Variants in RHOBTB3 observed in about 807,000 individuals in gnomAD.
RHOBTB3 encodes the protein rho-related BTB domain-containing protein 3.
A neutral mutation model predicts 67.2 loss-of-function variants in RHOBTB3; 47 were observed. The ratio of observed to expected loss-of-function variants is 0.70; its 90% confidence interval spans 0.55 to 0.89. RHOBTB3 has a LOEUF of 0.89. Ranked by LOEUF, RHOBTB3 falls within the 40% of genes least tolerant of loss-of-function variation. The probability of loss-of-function intolerance (pLI) is 0.00; values close to 1 mark genes in which losing one functional copy is unlikely to be tolerated. For synonymous variants in RHOBTB3, 273 were observed against 274.2 expected (o/e 1.00, Z 0.04); for missense variants, 631 against 750.0 (o/e 0.84, Z 1.85).
At chr5:95,773,541 T>C (rs1745781223) in intron 8 of RHOBTB3, among the ~76,000 whole-genome samples, 1 of 152,224 alleles carries the variant, frequency 6.6e-6, no homozygotes, top group Admixed American at 6.5e-5. Flanking sequence ...CCAGTGTGTC[T>C]GTGGGCAAGT....
intron 6 of RHOBTB3, among the ~76,000 whole-genome samples, chr5:95,759,373 T>C (rs1246253648): frequency 2.0e-5 from 3 of 152,272 alleles, no homozygotes; most frequent in Non-Finnish European, 2.9e-5. Context: ...TCTTTAATTA[T>C]TTACAGATTA....
chr5:95,779,480 C>T (rs1211398860), intron 8 of RHOBTB3, among the ~76,000 whole-genome samples: 1 of 152,146 alleles, frequency 6.6e-6, no homozygotes, highest in African/African-American at 2.4e-5. Context: ...CCCTATCCAG[C>T]GCTGCCTTTG....
chr5:95,791,815 G>C (rs1293663352), intron 11 of RHOBTB3, among the ~76,000 whole-genome samples: 1 of 152,008 alleles, frequency 6.6e-6, no homozygotes, highest in African/African-American at 2.4e-5. Context: ...CAAAGTGGTG[G>C]GATTACAGAC....
In RHOBTB3 at chr5:95,774,433, C is replaced by A. The variant is rs1251853170; in HGVS notation, c.1283-5819C>A. Among the ~76,000 whole-genome samples the A allele has an allele frequency of 5.3e-5, 8 of 152,114 alleles. 1 individual carries two copies. Among genetic ancestry groups the A allele is most frequent in the Non-Finnish European group, 1.2e-4 (8 of 68,002 alleles). On this transcript the variant is annotated intron_variant, in intron 8 of 11. Transcript: ENST00000379982. ...TAAGCACTTTACACTGGATTAGAAT[C>A]CCCTTGTTAACATTTTTAATGTCAT...
chr5:95,745,391 A>C, intron 3 of RHOBTB3, among the ~76,000 whole-genome samples: 1 of 152,260 alleles, frequency 6.6e-6, no homozygotes, highest in East Asian at 1.9e-4. Flanking sequence ...TATTGAATCT[A>C]TCTTGAAAAG....
chr5:95,757,354 T>C (rs965518312), intron 6 of RHOBTB3, among the ~76,000 whole-genome samples: 2 of 152,246 alleles, frequency 1.3e-5, no homozygotes, highest in African/African-American at 4.8e-5. Flanking sequence ...TCTTTAATTT[T>C]CTTTACCCAC....
chr5:95,735,607 C>T (rs1308360656), intron 2 of RHOBTB3, among the ~76,000 whole-genome samples: 1 of 152,188 alleles, frequency 6.6e-6, no homozygotes, highest in Non-Finnish European at 1.5e-5. Context: ...ACCTGTTAGT[C>T]AGACCTAGCT....
chr5:95,755,522 A>T lies in RHOBTB3; in HGVS notation c.809A>T (p.His270Leu), dbSNP rs1486529098. ...AATTTAAAGAAAGTTGTAGAGGCCC[A>T]CAAGATCGTTCTCTGCGCTGTAAGC... ...NPNLKKVVEA[H>L]KIVLCAVSHV... is the part of the protein sequence containing the mutation. The change falls in exon 6 of 12, where the codon CAC (histidine) becomes CTC (leucine). Residue 270 changes from histidine (H) to leucine (L), a missense_variant. By Grantham distance (99) the His-to-Leu change is moderately conservative. Transcript: ENST00000379982. The T allele has an allele frequency of 1.9e-6, 3 of 1,614,202 alleles. No homozygotes were observed. The highest frequency in any genetic ancestry group is 1.7e-6 in the Non-Finnish European group (2 of 1,180,030).
At chr5:95,767,844 AG>A in intron 7 of RHOBTB3, 1 of 708,482 alleles carries the variant, frequency 1.4e-6, no homozygotes, top group Non-Finnish European at 2.6e-6. Flanking sequence ...TGAATGCCAA[AG>A]AGAGCAGTGT....
intron 3 of RHOBTB3, among the ~76,000 whole-genome samples, chr5:95,744,555 G>A (rs1329219982): frequency 1.3e-5 from 2 of 152,014 alleles, no homozygotes; most frequent in African/African-American, 4.8e-5. Flanking sequence ...GATGATCTGA[G>A]TAAGTGAAAA....
At chr5:95,719,513 A>AG in intron 1 of RHOBTB3, 1 of 152,360 alleles carries the variant, frequency 6.6e-6, no homozygotes, top group South Asian at 2.1e-4. Flanking sequence ...AATTCATTTT[A>AG]GTAATACCCT....
At chr5:95,730,925 G>C (rs371388827), upstream of RHOBTB3, 512 of 458,452 alleles carry the variant, frequency 1.1e-3, 5 homozygotes, top group South Asian at 6.0e-3. Context: ...AGGCCAAGAG[G>C]GGGGGAAATC....
chr5:95,731,784 G>A, intron 1 of RHOBTB3, 75 bp from the exon 2 acceptor site: 2 of 1,602,740 alleles, frequency 1.2e-6, no homozygotes, highest in Non-Finnish European at 1.7e-6. Context: ...GCTGTCCCCC[G>A]CACTTCCTGT....
chr5:95,738,646 G>T (rs1755515907), intron 3 of RHOBTB3, among the ~76,000 whole-genome samples: 1 of 151,812 alleles, frequency 6.6e-6, no homozygotes, highest in Non-Finnish European at 1.5e-5. Context: ...CAGCAGGAAG[G>T]TCTCACCAGA....
Position 95,755,611 on chromosome 5 carries a change from C to T in RHOBTB3, c.898C>T (p.Arg300Ter), listed in dbSNP as rs746600859. ...PTDIQDSSIIRTTQDLFAINR... is the reference protein window; with the variant it reads ...PTDIQDSSII The stretch of plus-strand genomic sequence containing the variant: ...TGACATTCAGGATTCCAGTATCATC[C>T]GAACTACCCAGGATCTTTTTGCTAT... The change falls in exon 6 of 12, where the codon CGA becomes TGA. Residue 300 changes from arginine to a stop codon, truncating the protein, a stop_gained. Coordinates refer to ENST00000379982, the MANE Select transcript of RHOBTB3 (RefSeq NM_014899.4). LOFTEE classifies it high-confidence loss of function. 5.6e-6 allele frequency: 9 copies of T among 1,614,060 alleles called. No individual in the cohort carries two copies. The highest frequency in any genetic ancestry group is 3.3e-5 in the South Asian group (3 of 91,058).
chr5:95,719,616 T>C (rs1392910721), intron 1 of RHOBTB3: 1 of 152,216 alleles, frequency 6.6e-6, no homozygotes, highest in Non-Finnish European at 1.5e-5. Context: ...AAAAAACATA[T>C]ATACATTACA....
intron 11 of RHOBTB3, among the ~76,000 whole-genome samples, chr5:95,791,831 C>T (rs544267003): frequency 6.6e-6 from 1 of 152,176 alleles, no homozygotes; most frequent in East Asian, 1.9e-4. Context: ...CAGACATGAG[C>T]CATCGTGCCT....
chr5:95,788,593 G>A (rs915679711), intron 10 of RHOBTB3, among the ~76,000 whole-genome samples, 169 bp from the exon 11 acceptor site: 5 of 152,180 alleles, frequency 3.3e-5, no homozygotes, highest in East Asian at 1.9e-4. Flanking sequence ...TTTGCTAATA[G>A]TGCTCCCTCA....
Position 95,748,392 on chromosome 5 carries a change from A to G in RHOBTB3, c.475A>G (p.Thr159Ala), listed in dbSNP as rs768484335. Residue 159 changes from threonine to alanine, a missense_variant, in exon 4 of 12, where the codon ACT becomes GCT. By Grantham distance (58) the Thr-to-Ala change is moderately conservative. Transcript: ENST00000379982. ...TSDRGSCVSTTEGIQLAKELG... is the reference protein window; with the variant it reads ...TSDRGSCVSTAEGIQLAKELG... ...AGACAGAGGGAGCTGTGTTAGTACA[A>G]CTGAAGGGATCCAACTTGCAAAAGA... 6.2e-7 allele frequency: 1 copy of G among 1,613,462 alleles called. No individual in the cohort carries two copies.
Sources: gnomAD v4.1 joint callset for allele counts (sites outside exome capture counted in the v4.1 genomes callset) on GRCh38, gnomAD v4.1.1 for gene constraint, MANE v1.5 for transcripts, NCBI Gene and HGNC (gene_info 2026-07-23, HGNC 2026-07-21) for gene names.